TDRD9: variants seen among roughly 807,000 people sequenced by gnomAD.
TDRD9 encodes ATP-dependent RNA helicase TDRD9.
A neutral mutation model predicts 172.6 loss-of-function variants in TDRD9; 124 were observed. The observed-to-expected ratio is 0.72, with a 90% CI of 0.62 to 0.83. The LOEUF is 0.83. TDRD9 is among the 40% of genes least tolerant of loss of function. The pLI is 0.00. For missense variants in TDRD9, 1,479 were observed against 1,714.1 expected (o/e 0.86, Z 2.42); for synonymous variants, 619 against 617.1 (o/e 1.00, Z -0.05).
chr14:103,983,931 A>G (rs147120448), intron 7 of TDRD9, among the ~76,000 whole-genome samples: 2 of 152,168 alleles, frequency 1.3e-5, no homozygotes, highest in Admixed American at 1.3e-4. Context: ...TCAGATGGAG[A>G]TGAGGAACTT....
At chr14:103,947,316 T>C (rs555391921) in intron 1 of TDRD9, among the ~76,000 whole-genome samples, 112 of 151,930 alleles carry the variant, frequency 7.4e-4, no homozygotes, top group African/African-American at 2.6e-3. Context: ...TTTGTTTTGT[T>C]TTTTTTGTTT....
intron 2 of TDRD9, among the ~76,000 whole-genome samples, chr14:103,962,199 T>TA (rs1277716666): frequency 1.3e-5 from 2 of 152,220 alleles, no homozygotes; most frequent in Admixed American, 6.5e-5. Flanking sequence ...GCTTTCCTGA[T>TA]ACCTGTATTT....
At position 104,052,011 on chromosome 14, in the gene TDRD9, G is replaced by A. The variant is rs150612714; in HGVS notation, c.4078G>A (p.Asp1360Asn). 6 of 1,596,572 alleles carry A rather than the reference G, an allele frequency of 3.8e-6. No homozygotes were observed. The highest frequency in any genetic ancestry group is 1.7e-4 in the Middle Eastern group (1 of 6,044). The change falls in exon 36 of 36, where the codon GAC (aspartate) becomes AAC (asparagine). Residue 1360 changes from aspartate (D) to asparagine (N), a missense_variant. Coordinates refer to ENST00000409874, the MANE Select transcript of TDRD9 (RefSeq NM_153046.3). ...VDPKLVMEQA[D>N]RESSRGKNTF... ...TCCAAAGCTGGTCATGGAGCAGGCC[G>A]ACCGTGAGAGCAGCAGAGGGAAGAA... is the stretch of plus-strand genomic sequence containing the variant.
At chr14:103,995,863 C>G (rs1330256601) in intron 12 of TDRD9, 56 bp downstream of exon 12, 12 of 1,435,346 alleles carry the variant, frequency 8.4e-6, no homozygotes, top group Non-Finnish European at 1.1e-5. Flanking sequence ...TATTTATTGG[C>G]TTATTCACCT....
Position 103,966,785 on chromosome 14 carries a change from T to TCCC in TDRD9, c.719_720insCCC (p.Val240_Ser241insPro), listed in dbSNP as rs1469712571. 2.6e-6 allele frequency: 4 copies of TCCC among 1,550,964 alleles called. No homozygotes were observed. Among genetic ancestry groups the TCCC allele is most frequent in the Non-Finnish European group, 3.5e-6 (4 of 1,146,540 alleles). ...ACTGGAGTCCTGCTTCAGAAAATAG[T>TCCC]TAGTGCCAAGAGTTTGATGGAATTC... On this transcript the variant is annotated inframe_insertion, in exon 5 of 36. Transcript: ENST00000409874.
intron 22 of TDRD9, among the ~76,000 whole-genome samples, chr14:104,016,522 T>C (rs2034797933): frequency 6.6e-6 from 1 of 152,158 alleles, no homozygotes. Flanking sequence ...GGAGAGTGCT[T>C]ATTTTATTTA....
chr14:104,015,541 T>C (rs950439510), intron 21 of TDRD9, among the ~76,000 whole-genome samples: 2 of 152,198 alleles, frequency 1.3e-5, no homozygotes, highest in Middle Eastern at 3.2e-3. Context: ...AGGTGAATAG[T>C]GGATGCCAGC....
rs2034559436 is a variant in TDRD9, at chr14:104,009,933, T to C, written c.2106+1467T>C. ...GGCATATGTCACCACTCGTAATTTGTTTTTTCTTTCTTTCTTTTTTTTTTT... is the reference window on the plus strand; with the variant it reads ...GGCATATGTCACCACTCGTAATTTGCTTTTTCTTTCTTTCTTTTTTTTTTT... On this transcript the variant is annotated intron_variant, in intron 20 of 35. Transcript: ENST00000409874. Among the ~76,000 whole-genome samples, 3 of 151,354 alleles carry C rather than the reference T, an allele frequency of 2.0e-5. No homozygotes were observed. The East Asian group carries it at 5.8e-4, about 29-fold the overall frequency.
At chr14:104,050,479 G>T (rs1039109710) in intron 35 of TDRD9, among the ~76,000 whole-genome samples, 3 of 152,228 alleles carry the variant, frequency 2.0e-5, no homozygotes, top group Non-Finnish European at 4.4e-5. Flanking sequence ...AGAGAAAGGA[G>T]CCCAAAGGAG....
chr14:103,961,123 A>G (rs1438381132), intron 2 of TDRD9, among the ~76,000 whole-genome samples: 5 of 152,062 alleles, frequency 3.3e-5, no homozygotes, highest in African/African-American at 7.2e-5. Context: ...CCCTTCTTTC[A>G]TTATGTTCAA....
intron 32 of TDRD9, among the ~76,000 whole-genome samples, chr14:104,035,396 A>T (rs1187511490): frequency 6.6e-6 from 1 of 152,186 alleles, no homozygotes; most frequent in Non-Finnish European, 1.5e-5. Context: ...TGTGATTCCA[A>T]GTTTTCTGGT....
In TDRD9 at chr14:103,952,198, A is replaced by G. The variant is rs1368669201; in HGVS notation, c.216-3466A>G. The stretch of plus-strand genomic sequence containing the variant: ...TGTGTGTGCGTGTGTGTGTATATAT[A>G]TATATATATATATATATATATATTT... On this transcript the variant is annotated intron_variant, in intron 1 of 35. Transcript: ENST00000409874. Among the ~76,000 whole-genome samples, 432 of 57,966 alleles carry G rather than the reference A, an allele frequency of 7.5e-3. 8 individuals are homozygous for G. Among genetic ancestry groups the G allele is most frequent in the African/African-American group, 0.029 (263 of 9,044 alleles). The allele number at this position is 57,966 out of a possible 152,430, so 38.0% of individuals were successfully genotyped here.
chr14:104,021,554 G>A (rs556120439), intron 23 of TDRD9, among the ~76,000 whole-genome samples: 26 of 152,078 alleles, frequency 1.7e-4, no homozygotes, highest in Non-Finnish European at 2.4e-4. Flanking sequence ...TTAGCTGGAC[G>A]TGGTGGCACA....
chr14:104,027,488 C>G (rs1285267333), intron 28 of TDRD9, among the ~76,000 whole-genome samples: 1 of 152,166 alleles, frequency 6.6e-6, no homozygotes, highest in African/African-American at 2.4e-5. Flanking sequence ...TTCAAAACTT[C>G]TTTCAACTGT....
At chr14:103,971,195 G>A (rs972918811) in intron 6 of TDRD9, among the ~76,000 whole-genome samples, 1 of 151,854 alleles carries the variant, frequency 6.6e-6, no homozygotes, top group African/African-American at 2.4e-5. Flanking sequence ...GTGTTAGCCA[G>A]GATGGTCTTG....
chr14:104,008,829 G>A (rs1422495650), intron 20 of TDRD9, among the ~76,000 whole-genome samples: 4 of 152,220 alleles, frequency 2.6e-5, no homozygotes, highest in Admixed American at 6.5e-5. Flanking sequence ...TGAGAGGTTT[G>A]CATGAGCCTG....
intron 1 of TDRD9, chr14:103,941,568 C>T: frequency 1.3e-6 from 2 of 1,535,232 alleles, no homozygotes; most frequent in Non-Finnish European, 8.7e-7. Flanking sequence ...TTGTATTAAT[C>T]TCTCTCGCTC....
chr14:103,979,974 C>T (rs1330468190), intron 7 of TDRD9, among the ~76,000 whole-genome samples: 2 of 151,028 alleles, frequency 1.3e-5, no homozygotes, highest in Non-Finnish European at 1.5e-5. Context: ...CTCCTTGGCT[C>T]AAGAGATTCT....
chr14:103,983,214 C>CT (rs1412266129), intron 7 of TDRD9, among the ~76,000 whole-genome samples: 2 of 45,024 alleles, frequency 4.4e-5, no homozygotes, highest in African/African-American at 2.7e-4. Flanking sequence ...CAGGTGTGTG[C>CT]CCCATGCCCG....
Sources: allele counts gnomAD v4.1 joint callset (sites outside exome capture counted in the v4.1 genomes callset), GRCh38; gene constraint gnomAD v4.1.1; transcripts MANE v1.5; gene names NCBI Gene and HGNC (gene_info 2026-07-23, HGNC 2026-07-21).